Variants in UGT1A7 observed in about 807,000 individuals in gnomAD.
The protein encoded by UGT1A7 is UDP glucuronosyltransferase family 1 member A7.
Under a neutral mutation model 45.6 loss-of-function variants are expected in UGT1A7, and 33 were observed. The observed-to-expected ratio is 0.72, with a 90% CI of 0.55 to 0.97. The LOEUF (loss-of-function observed/expected upper bound fraction) is 0.97. Ranked by LOEUF, UGT1A7 falls within the 50% of genes least tolerant of loss-of-function variation. The pLI is 0.00. For synonymous variants in UGT1A7, 274 were observed against 250.6 expected, an observed-to-expected ratio of 1.09 and a Z score of -0.88; for missense variants, 684 against 666.2, an observed-to-expected ratio of 1.03 and a Z score of -0.29.
At chr2:233,757,845 T>C (rs1338801014) in intron 1 of UGT1A7, among the ~76,000 whole-genome samples, 1 of 151,974 alleles carries the variant, frequency 6.6e-6, no homozygotes, top group Non-Finnish European at 1.5e-5. Context: ...TACTAACTTA[T>C]GTCTTCAGCT....
In UGT1A7 at chr2:233,769,791, G is replaced by A; in HGVS notation, c.1295+1352G>A. 5 of 1,267,464 alleles carry A rather than the reference G, an allele frequency of 3.9e-6. No individual in the cohort carries two copies. The South Asian group carries it at 8.7e-5, about 22-fold the overall frequency. The allele number at this position is 1,267,464 out of a possible 1,614,324, so 78.5% of individuals were successfully genotyped here. On this transcript the variant is annotated intron_variant, in intron 4 of 4. Transcript: ENST00000373426. The surrounding 1 kb of genome is among the most constrained non-coding windows in gnomAD (Gnocchi z 4.4). ...GATTGCTTGAGCCCAGAAGTTGGAG[G>A]CTGCTATGAGCCGTGATCATGCCAC...
intron 1 of UGT1A7, chr2:233,691,414 C>A (rs1302692454): frequency 2.0e-6 from 2 of 985,422 alleles, no homozygotes; most frequent in African/African-American, 1.7e-5. Context: ...TTGGAGTGGC[C>A]CCTCTAATCA....
At chr2:233,734,267 C>T (rs1349289847) in intron 1 of UGT1A7, among the ~76,000 whole-genome samples, 2 of 152,020 alleles carry the variant, frequency 1.3e-5, no homozygotes, top group Non-Finnish European at 2.9e-5. Flanking sequence ...GTGTATGTGT[C>T]CAGGAATTTA....
intron 1 of UGT1A7, chr2:233,743,522 T>C: frequency 7.3e-7 from 1 of 1,367,282 alleles, no homozygotes; most frequent in Non-Finnish European, 9.8e-7. Flanking sequence ...CTGCTTCTGC[T>C]TCCCCAGCAG....
chr2:233,687,481 T>C (rs2125537172), intron 1 of UGT1A7, among the ~76,000 whole-genome samples: 1 of 151,588 alleles, frequency 6.6e-6, no homozygotes. Flanking sequence ...GCAGACCTAT[T>C]TTTCAGATGA....
intron 1 of UGT1A7, chr2:233,713,866 T>C (rs1467749451): frequency 2.5e-6 from 4 of 1,613,892 alleles, no homozygotes; most frequent in Non-Finnish European, 3.4e-6. Flanking sequence ...CAGGTCTGTA[T>C]TGGTGCCTTT....
At chr2:233,747,966 G>C in intron 1 of UGT1A7, 17 of 1,613,448 alleles carry the variant, frequency 1.1e-5, no homozygotes, top group Non-Finnish European at 1.4e-5. Context: ...TCTCAGCCAT[G>C]CATCTGTGTG....
intron 1 of UGT1A7, among the ~76,000 whole-genome samples, chr2:233,746,215 A>C (rs1693328060): frequency 6.6e-6 from 1 of 151,878 alleles, no homozygotes; most frequent in South Asian, 2.1e-4. Flanking sequence ...CTCTAATAGC[A>C]AGGACAGATA....
At chr2:233,703,396 A>T (rs890785846) in intron 1 of UGT1A7, among the ~76,000 whole-genome samples, 1 of 151,974 alleles carries the variant, frequency 6.6e-6, no homozygotes, top group African/African-American at 2.4e-5. Context: ...TCAAATAAAC[A>T]ATTTTGGTTT....
chr2:233,752,486 G>A (rs1051165548), intron 1 of UGT1A7: 1 of 152,154 alleles, frequency 6.6e-6, no homozygotes, highest in African/African-American at 2.4e-5. Context: ...TTATGTTTTT[G>A]AGATGAGACA....
At position 233,768,234 on chromosome 2, in the gene UGT1A7, C is replaced by T. The variant is rs55750087; in HGVS notation, c.1090C>T (p.Arg364Cys). 85 of 1,614,044 alleles carry T rather than the reference C, an allele frequency of 5.3e-5. No homozygotes were observed. The highest frequency in any genetic ancestry group is 3.3e-4 in the Middle Eastern group (2 of 6,084). Residue 364 changes from arginine to cysteine, a missense_variant, in exon 4 of 5, where the codon CGT becomes TGT. Arg to Cys is a radical substitution (Grantham distance 180). Transcript: ENST00000373426. Reference sequence around the variant, plus strand: ...TTGCATCTCAGGTCACCCGATGACCCGTGCCTTTATCACCCATGCTGGTTC... The same window carrying T: ...TTGCATCTCAGGTCACCCGATGACCTGTGCCTTTATCACCCATGCTGGTTC... ...QNDLLGHPMT[R>C]AFITHAGSHG...
At chr2:233,713,173 T>C (rs28898602) in intron 1 of UGT1A7, 5 of 1,614,232 alleles carry the variant, frequency 3.1e-6, no homozygotes, top group Non-Finnish European at 4.2e-6. Context: ...GTGGTGGTCC[T>C]CACCCTGGAG....
intron 1 of UGT1A7, among the ~76,000 whole-genome samples, chr2:233,701,633 T>G (rs926764680): frequency 3.9e-5 from 6 of 152,216 alleles, no homozygotes; most frequent in Non-Finnish European, 5.9e-5. Context: ...ACAGAAATTA[T>G]AGCAAACTGT....
intron 1 of UGT1A7, chr2:233,719,276 C>T (rs749630489): frequency 1.9e-6 from 3 of 1,614,118 alleles, no homozygotes; most frequent in Non-Finnish European, 2.5e-6. Flanking sequence ...TTTTAACAGA[C>T]CCCGTTAACC....
chr2:233,694,608 C>A (rs546917039), intron 1 of UGT1A7, among the ~76,000 whole-genome samples: 2 of 152,332 alleles, frequency 1.3e-5, no homozygotes, highest in East Asian at 3.9e-4. Flanking sequence ...CTTCAGGCAA[C>A]TCCCTCTATC....
intron 1 of UGT1A7, among the ~76,000 whole-genome samples, chr2:233,763,903 G>C (rs779915264): frequency 2.2e-4 from 34 of 152,300 alleles, no homozygotes; most frequent in Middle Eastern, 3.4e-3. Flanking sequence ...CAGAAGATTA[G>C]TGAGGACCAA....
At chr2:233,691,077 T>C in intron 1 of UGT1A7, 1 of 986,126 alleles carries the variant, frequency 1.0e-6, no homozygotes, top group Non-Finnish European at 1.2e-6. Flanking sequence ...GAATGTGAAG[T>C]TTGTAGCATC....
At position 233,693,437 on chromosome 2, in the gene UGT1A7, G is replaced by C. The variant is rs955670837; in HGVS notation, c.855+10645G>C. On this transcript the variant is annotated intron_variant, in intron 1 of 4. Coordinates refer to ENST00000373426, the MANE Select transcript of UGT1A7 (RefSeq NM_019077.3). ...GAACTTCTTTAAGGAGAGCAAGTTTGATGCTCTTTTCACAGACCCAGCCTT... is the reference window on the plus strand; with the variant it reads ...GAACTTCTTTAAGGAGAGCAAGTTTCATGCTCTTTTCACAGACCCAGCCTT... 17 of 1,614,030 alleles carry C rather than the reference G, an allele frequency of 1.1e-5. No individual in the cohort carries two copies. The highest frequency in any genetic ancestry group is 1.4e-5 in the Non-Finnish European group (16 of 1,180,034).
intron 1 of UGT1A7, among the ~76,000 whole-genome samples, chr2:233,703,634 G>A (rs943242001): frequency 1.3e-5 from 2 of 151,830 alleles, no homozygotes; most frequent in Admixed American, 1.3e-4. Context: ...TCTGATATTA[G>A]TATAACCAAT....
Sources: gnomAD v4.1 joint callset for allele counts (sites outside exome capture counted in the v4.1 genomes callset) on GRCh38, gnomAD v4.1.1 for gene constraint, Gnocchi (gnomAD v3.1) non-coding constraint, MANE v1.5 for transcripts, NCBI Gene and HGNC (gene_info 2026-07-23, HGNC 2026-07-21) for gene names.